Variants in CCDC148 observed in about 807,000 individuals in gnomAD.
The protein encoded by CCDC148 is coiled-coil domain containing 148.
Under a neutral mutation model 85.7 loss-of-function variants are expected in CCDC148, and 89 were observed. The observed-to-expected ratio is 1.04, with a 90% CI of 0.87 to 1.24. The LOEUF is 1.24. CCDC148 is among the 50% of genes most tolerant of loss of function. CCDC148 has a pLI of 0.00. For synonymous variants in CCDC148, 230 were observed against 213.9 expected (o/e 1.08, Z -0.66); for missense variants, 692 against 671.7 (o/e 1.03, Z -0.33).
At chr2:158,356,433 C>T (rs1364636952) in intron 2 of CCDC148, among the ~76,000 whole-genome samples, 1 of 148,252 alleles carries the variant, frequency 6.7e-6, no homozygotes, top group African/African-American at 2.5e-5. Flanking sequence ...CATGAACAGA[C>T]ACTTCTCAAA....
chr2:158,359,130 C>G (rs1386915148), intron 1 of CCDC148, among the ~76,000 whole-genome samples: 2 of 152,122 alleles, frequency 1.3e-5, no homozygotes, highest in Admixed American at 1.3e-4. Flanking sequence ...CATACAATGT[C>G]CTAGTCTGGT....
At chr2:158,416,379 C>T (rs1336846910) in intron 1 of CCDC148, among the ~76,000 whole-genome samples, 1 of 152,180 alleles carries the variant, frequency 6.6e-6, no homozygotes, top group African/African-American at 2.4e-5. Flanking sequence ...GCTGGAAGTT[C>T]CAGTTTCAGA....
At chr2:158,313,979 A>C in intron 7 of CCDC148, 85 bp from the exon 8 acceptor site, 1 of 1,313,302 alleles carries the variant, frequency 7.6e-7, no homozygotes, top group Non-Finnish European at 1.0e-6. Flanking sequence ...CTAGCAAGTG[A>C]TAGTAACGAA....
At chr2:158,358,644 A>G (rs1683784118) in intron 1 of CCDC148, 74 bp from the exon 2 acceptor site, 2 of 1,003,332 alleles carry the variant, frequency 2.0e-6, no homozygotes, top group African/African-American at 3.4e-5. Flanking sequence ...TAATTAGGGC[A>G]ACATGTTGAC....
chr2:158,217,071 T>A (rs759887800), intron 11 of CCDC148, among the ~76,000 whole-genome samples: 2 of 152,026 alleles, frequency 1.3e-5, no homozygotes, highest in Non-Finnish European at 2.9e-5. Context: ...CAATGGCATG[T>A]TGAGAAATAA....
At position 158,285,023 on chromosome 2, in the gene CCDC148, C is replaced by T. The variant is rs997173818; in HGVS notation, c.1110+24410G>A. Among the ~76,000 whole-genome samples, 4 of 152,250 alleles carry T rather than the reference C, an allele frequency of 2.6e-5. No individual in the cohort carries two copies. In the South Asian group the frequency reaches 6.2e-4, roughly 24 times the overall value. On this transcript the variant is annotated intron_variant, in intron 9 of 13. Coordinates refer to ENST00000283233, the MANE Select transcript of CCDC148 (RefSeq NM_138803.4). ...GTGCATTAGGCTGGGCGTGGTGGCT[C>T]ATACTTGTAATCTCAACACTTTGGG...
At chr2:158,328,234 A>G (rs1036962239) in intron 7 of CCDC148, among the ~76,000 whole-genome samples, 2 of 151,992 alleles carry the variant, frequency 1.3e-5, no homozygotes, top group Non-Finnish European at 2.9e-5. Flanking sequence ...TCATTGTTCA[A>G]TTCCCACCTA....
chr2:158,385,748 G>A (rs956588833), intron 1 of CCDC148, among the ~76,000 whole-genome samples: 11 of 152,118 alleles, frequency 7.2e-5, no homozygotes, highest in Non-Finnish European at 1.0e-4. Flanking sequence ...GTCAAACAAG[G>A]CTTCTGGCAA....
At chr2:158,338,955 A>G in intron 6 of CCDC148, 35 bp downstream of exon 6, 2 of 1,600,080 alleles carry the variant, frequency 1.2e-6, no homozygotes, top group Non-Finnish European at 1.7e-6. Context: ...CGACAAATTG[A>G]TAAACACATA....
intron 9 of CCDC148, among the ~76,000 whole-genome samples, chr2:158,278,426 T>C (rs916022171): frequency 6.6e-6 from 1 of 152,168 alleles, no homozygotes; most frequent in African/African-American, 2.4e-5. Flanking sequence ...CCCACCCTAA[T>C]ACCGCACTTT....
chr2:158,270,209 C>A (rs1689638319), intron 9 of CCDC148, among the ~76,000 whole-genome samples: 1 of 152,128 alleles, frequency 6.6e-6, no homozygotes, highest in African/African-American at 2.4e-5. Context: ...TTATTCTTCA[C>A]TAAAGTCATT....
At chr2:158,182,636 A>G (rs1349957403) in intron 11 of CCDC148, among the ~76,000 whole-genome samples, 1 of 152,142 alleles carries the variant, frequency 6.6e-6, no homozygotes, top group Admixed American at 6.6e-5. Context: ...CTCCAAAGTG[A>G]TGATCAAGGT....
chr2:158,178,267 G>A (rs1046646207), intron 12 of CCDC148, among the ~76,000 whole-genome samples: 3 of 151,964 alleles, frequency 2.0e-5, no homozygotes, highest in Non-Finnish European at 2.9e-5. Flanking sequence ...TAGAGATTTT[G>A]AGTTGAAACA....
intron 10 of CCDC148, among the ~76,000 whole-genome samples, chr2:158,228,096 C>G (rs993628217): frequency 6.6e-6 from 1 of 151,930 alleles, no homozygotes; most frequent in Non-Finnish European, 1.5e-5. Flanking sequence ...ACAATGAACT[C>G]CAACAAATTT....
intron 9 of CCDC148, among the ~76,000 whole-genome samples, chr2:158,270,099 G>A (rs1298288592): frequency 1.3e-5 from 2 of 152,130 alleles, no homozygotes; most frequent in African/African-American, 4.8e-5. Flanking sequence ...ACTTAAGTAT[G>A]TCTCTTCAAT....
At chr2:158,232,558 A>G (rs1403965029) in intron 10 of CCDC148, among the ~76,000 whole-genome samples, 1 of 152,190 alleles carries the variant, frequency 6.6e-6, no homozygotes, top group African/African-American at 2.4e-5. Flanking sequence ...AAGTTAGGAC[A>G]AAAGGATTAG....
chr2:158,366,766 TC>T (rs1467966674), intron 1 of CCDC148, among the ~76,000 whole-genome samples: 1 of 152,182 alleles, frequency 6.6e-6, no homozygotes, highest in Non-Finnish European at 1.5e-5. Flanking sequence ...CAATCCCACT[TC>T]CTTCTTCTCC....
intron 2 of CCDC148, among the ~76,000 whole-genome samples, chr2:158,347,050 C>A (rs1308304450): frequency 1.3e-5 from 2 of 152,154 alleles, no homozygotes; most frequent in Non-Finnish European, 2.9e-5. Context: ...GCAGTCTCTA[C>A]TTTACCTACC....
chr2:158,206,911 G>C (rs942771263), intron 11 of CCDC148, among the ~76,000 whole-genome samples: 2 of 152,186 alleles, frequency 1.3e-5, no homozygotes, highest in African/African-American at 4.8e-5. Flanking sequence ...TAGTGATGGG[G>C]AACAGGAGAT....
Sources: allele counts gnomAD v4.1 joint callset (sites outside exome capture counted in the v4.1 genomes callset), GRCh38; gene constraint gnomAD v4.1.1; transcripts MANE v1.5; gene names NCBI Gene and HGNC (gene_info 2026-07-23, HGNC 2026-07-21).